The following DIAPH2 variants were observed in gnomAD, a reference collection of about 807,000 sequenced individuals.
DIAPH2 encodes the protein diaphanous related formin 2.
A neutral mutation model predicts 92.7 loss-of-function variants in DIAPH2; 35 were observed. The ratio of observed to expected loss-of-function variants is 0.38; its 90% CI spans 0.29 to 0.50. DIAPH2 has a LOEUF of 0.50. DIAPH2 is among the 20% of genes least tolerant of loss of function. The pLI, the probability that DIAPH2 is intolerant of heterozygous loss-of-function variation, is 0.94. For synonymous variants in DIAPH2, 301 were observed against 280.4 expected (o/e 1.07, Z -0.73); for missense variants, 701 against 819.5 (o/e 0.86, Z 1.77).
At position 96,845,901 on chromosome X, in the gene DIAPH2, C is replaced by T. The variant is rs775750138; in HGVS notation, c.448-35678C>T. On this transcript the variant is annotated intron_variant, in intron 4 of 26. Transcript: ENST00000324765. ...GTTCAAGCGATTCACCTGCCTCAACCTCCTGAGTAGCTGGGATTACAGGCA... is the reference window on the plus strand; with the variant it reads ...GTTCAAGCGATTCACCTGCCTCAACTTCCTGAGTAGCTGGGATTACAGGCA... 2.7e-5 allele frequency among the ~76,000 whole-genome samples: 3 copies of T among 111,094 alleles called. No homozygotes were observed. The East Asian group carries it at 8.5e-4, about 32-fold the overall frequency.
At chrX:97,598,163 G>C (rs972830089) in intron 26 of DIAPH2, among the ~76,000 whole-genome samples, 4 of 111,678 alleles carry the variant, frequency 3.6e-5, no homozygotes, top group African/African-American at 1.3e-4. Flanking sequence ...TCATCTCAAG[G>C]AGGAAATGAG....
chrX:97,377,612 C>A (rs973645818), intron 24 of DIAPH2, among the ~76,000 whole-genome samples: 1 of 111,893 alleles, frequency 8.9e-6, no homozygotes, highest in Non-Finnish European at 1.9e-5. Context: ...GGCCCAAGGG[C>A]ATAAAGCACT....
At chrX:97,520,009 C>T (rs2070979994) in intron 26 of DIAPH2, among the ~76,000 whole-genome samples, 1 of 111,972 alleles carries the variant, frequency 8.9e-6, no homozygotes, top group Non-Finnish European at 1.9e-5. Context: ...CAGCGTCTGG[C>T]CCCTTAAACT....
intron 22 of DIAPH2, among the ~76,000 whole-genome samples, chrX:97,170,783 A>G (rs961614811): frequency 4.5e-5 from 5 of 111,510 alleles, no homozygotes; most frequent in Non-Finnish European, 9.4e-5. Flanking sequence ...ATTGGAGTCC[A>G]TTTTTTTCTG....
At chrX:97,292,492 A>T (rs2068600637) in intron 23 of DIAPH2, among the ~76,000 whole-genome samples, 1 of 110,817 alleles carries the variant, frequency 9.0e-6, no homozygotes, top group African/African-American at 3.3e-5. Flanking sequence ...ATTATGTTAC[A>T]TGCATCACTC....
intron 19 of DIAPH2, among the ~76,000 whole-genome samples, 182 bp from the exon 20 acceptor site, chrX:97,099,512 T>G (rs1385815970): frequency 8.9e-6 from 1 of 111,823 alleles, no homozygotes; most frequent in African/African-American, 3.3e-5. Flanking sequence ...TTATTCACAA[T>G]TTATTGTAGT....
At chrX:97,479,459 G>A (rs1409050367) in intron 26 of DIAPH2, among the ~76,000 whole-genome samples, 2 of 112,105 alleles carry the variant, frequency 1.8e-5, no homozygotes, top group East Asian at 2.8e-4. Context: ...GCCAGACTTC[G>A]ATCTAATCTC....
intron 26 of DIAPH2, among the ~76,000 whole-genome samples, chrX:97,485,101 G>C (rs753948539): frequency 9.9e-5 from 11 of 111,579 alleles, no homozygotes; most frequent in Non-Finnish European, 1.7e-4. Flanking sequence ...CTTGATGAAT[G>C]AGAGGGAAAA....
At chrX:97,206,976 G>A (rs1191256363) in intron 22 of DIAPH2, among the ~76,000 whole-genome samples, 1 of 110,990 alleles carries the variant, frequency 9.0e-6, no homozygotes, top group Non-Finnish European at 1.9e-5. Context: ...GATGCTTTAA[G>A]TTTTAGATTC....
chrX:96,793,617 A>G (rs374749445), intron 4 of DIAPH2: 53 of 372,737 alleles, frequency 1.4e-4, no homozygotes, highest in African/African-American at 1.3e-3. Context: ...TTCTCACTGT[A>G]TCCTCACATA....
chrX:97,424,530 G>C (rs1281978289), intron 25 of DIAPH2, among the ~76,000 whole-genome samples: 4 of 112,020 alleles, frequency 3.6e-5, no homozygotes, highest in Non-Finnish European at 7.5e-5. Context: ...AAAAGGTTGA[G>C]AGACGTTGCT....
intron 4 of DIAPH2, among the ~76,000 whole-genome samples, chrX:96,829,715 G>A (rs866546967): frequency 9.1e-6 from 1 of 110,401 alleles, no homozygotes; most frequent in African/African-American, 3.3e-5. Flanking sequence ...GGCTGGTCTC[G>A]AACTCCTGAC....
At chrX:97,369,540 CT>C (rs1011786343) in intron 24 of DIAPH2, among the ~76,000 whole-genome samples, 33 of 99,416 alleles carry the variant, frequency 3.3e-4, no homozygotes, top group Non-Finnish European at 6.6e-4. Context: ...ATCAGTGCTC[CT>C]TTTTTTGTTT....
chrX:97,121,832 C>T (rs1472834805), intron 21 of DIAPH2, among the ~76,000 whole-genome samples: 1 of 111,796 alleles, frequency 8.9e-6, no homozygotes, highest in East Asian at 2.8e-4. Context: ...AACCTAGCAA[C>T]GATCAATAAA....
chrX:96,751,303 G>A (rs996727040), intron 3 of DIAPH2, among the ~76,000 whole-genome samples: 3 of 110,820 alleles, frequency 2.7e-5, no homozygotes, highest in East Asian at 2.9e-4. Flanking sequence ...TAGGCTGGGC[G>A]CGGTGGCTCA....
At chrX:96,907,275 T>C (rs1478145924) in intron 5 of DIAPH2, among the ~76,000 whole-genome samples, 1 of 112,078 alleles carries the variant, frequency 8.9e-6, no homozygotes, top group Non-Finnish European at 1.9e-5. Flanking sequence ...TAACAGTATT[T>C]TGTAGATTTC....
At chrX:96,929,575 C>CT (rs2065606190) in intron 9 of DIAPH2, among the ~76,000 whole-genome samples, 1 of 110,787 alleles carries the variant, frequency 9.0e-6, no homozygotes, top group African/African-American at 3.3e-5. Flanking sequence ...TAAAGCATAC[C>CT]TTTTAATCTC....
intron 22 of DIAPH2, among the ~76,000 whole-genome samples, chrX:97,242,241 G>A (rs1332245117): frequency 9.0e-6 from 1 of 111,408 alleles, no homozygotes; most frequent in African/African-American, 3.3e-5. Flanking sequence ...TCCAAACCCA[G>A]GCTACTCATT....
intron 3 of DIAPH2, among the ~76,000 whole-genome samples, chrX:96,745,416 G>A (rs188459500): frequency 1.4e-3 from 153 of 111,769 alleles, no homozygotes; most frequent in African/African-American, 4.6e-3. Context: ...AGAATTTCTG[G>A]GTAATGATGT....
Sources: allele counts gnomAD v4.1 joint callset (sites outside exome capture counted in the v4.1 genomes callset), GRCh38; gene constraint gnomAD v4.1.1; transcripts MANE v1.5; gene names NCBI Gene and HGNC (gene_info 2026-07-23, HGNC 2026-07-21).